The following DNAH12 variants were observed in gnomAD, a reference collection of about 807,000 sequenced individuals.
The protein encoded by DNAH12 is dynein axonemal heavy chain 12.
Under a neutral mutation model 371.5 loss-of-function variants are expected in DNAH12, and 285 were observed. That is an observed-to-expected ratio of 0.77 (90% CI 0.70 to 0.85). The LOEUF (loss-of-function observed/expected upper bound fraction) is 0.85. DNAH12 is among the 40% of genes least tolerant of loss of function. The pLI is 0.00. For synonymous variants in DNAH12, 1,200 were observed against 1,213.0 expected, an observed-to-expected ratio of 0.99 and a Z score of 0.22; for missense variants, 3,611 against 3,689.4, an observed-to-expected ratio of 0.98 and a Z score of 0.55.
intron 4 of DNAH12, among the ~76,000 whole-genome samples, chr3:57,517,527 CTA>C (rs2068241297): frequency 6.6e-6 from 1 of 151,304 alleles, no homozygotes; most frequent in Non-Finnish European, 1.5e-5. Flanking sequence ...TATTATATGA[CTA>C]TATAGTGAAA....
chr3:57,389,265 T>A (rs1252270765), intron 45 of DNAH12, among the ~76,000 whole-genome samples: 1 of 152,078 alleles, frequency 6.6e-6, no homozygotes, highest in Non-Finnish European at 1.5e-5. Flanking sequence ...CTTATATTTA[T>A]GTTCTGGGTG....
intron 33 of DNAH12, 36 bp downstream of exon 33, chr3:57,429,650 AGAAAT>A: frequency 6.7e-7 from 1 of 1,488,760 alleles, no homozygotes; most frequent in African/African-American, 1.4e-5. Flanking sequence ...TAAAGAATGA[AGAAAT>A]GAACAAACCA....
intron 55 of DNAH12, among the ~76,000 whole-genome samples, chr3:57,372,432 T>G (rs1458098147): frequency 6.6e-6 from 1 of 152,060 alleles, no homozygotes; most frequent in East Asian, 1.9e-4. Context: ...GGAAAAAAGA[T>G]GAAGGTAAAC....
Position 57,445,294 on chromosome 3 carries a change from A to G in DNAH12, c.4305T>C (p.Leu1435=). Residue 1435 remains leucine (L), a synonymous_variant, in exon 28 of 74, where the codon CTT becomes CTC. Transcript: ENST00000495027. ...LSVKIVMTYR[L]CSEQLSSQFH... is the part of the protein sequence containing the mutation. ...ATTGCGATGAGAGCTGCTCTGAGCA[A>G]AGCCTATAGGTCATTACTATTTTCA... is the stretch of plus-strand genomic sequence containing the variant. 3 of 1,551,664 alleles carry G rather than the reference A, an allele frequency of 1.9e-6. No homozygotes were observed. The highest frequency in any genetic ancestry group is 2.6e-6 in the Non-Finnish European group (3 of 1,146,970).
At chr3:57,326,894 G>T (rs1455766010) in intron 62 of DNAH12, among the ~76,000 whole-genome samples, 2 of 152,082 alleles carry the variant, frequency 1.3e-5, no homozygotes, top group South Asian at 2.1e-4. Flanking sequence ...AACAAAAAAA[G>T]GCAGGGGTTC....
At chr3:57,553,099 C>T in the DNAH12 span, among the ~76,000 whole-genome samples, 4 of 152,112 alleles carry the variant, frequency 2.6e-5, no homozygotes, top group Non-Finnish European at 4.4e-5. Flanking sequence ...TCGCTTGAAC[C>T]CAGGAGGTGG....
At chr3:57,529,156 ATTT>A (rs962745530) in intron 2 of DNAH12, among the ~76,000 whole-genome samples, 4 of 152,120 alleles carry the variant, frequency 2.6e-5, no homozygotes, top group African/African-American at 9.6e-5. Flanking sequence ...TTTGTTGAGG[ATTT>A]TTGTATCAAT....
chr3:57,528,593 G>T (rs62260466), intron 2 of DNAH12, among the ~76,000 whole-genome samples: 9 of 148,072 alleles, frequency 6.1e-5, no homozygotes, highest in Non-Finnish European at 8.9e-5. Context: ...GGTGTGATGG[G>T]GCATGCCTGT....
intron 11 of DNAH12, among the ~76,000 whole-genome samples, chr3:57,500,685 T>G (rs997887330): frequency 7.9e-5 from 12 of 152,198 alleles, no homozygotes; most frequent in African/African-American, 2.7e-4. Flanking sequence ...CATATCTCTA[T>G]TCTAGTACTT....
chr3:57,430,836 G>C (rs115307266), intron 32 of DNAH12, among the ~76,000 whole-genome samples: 1 of 152,070 alleles, frequency 6.6e-6, no homozygotes, highest in East Asian at 1.9e-4. Flanking sequence ...TGTGGATTCC[G>C]TTTCTTAGCT....
At position 57,395,363 on chromosome 3, in the gene DNAH12, T is replaced by C. The variant is rs967721972; in HGVS notation, c.6949-1031A>G. Among the ~76,000 whole-genome samples, 314 of 152,270 alleles carry C rather than the reference T, an allele frequency of 2.1e-3. 1 individual carries two copies. Among genetic ancestry groups the C allele is most frequent in the Middle Eastern group, 0.02 (6 of 294 alleles). ...AACTGGCTGTAGTTCACAGTGAAAA[T>C]AGCATTACAACTTCTCTAAGTTATT... is the stretch of plus-strand genomic sequence containing the variant. On this transcript the variant is annotated intron_variant, in intron 43 of 73. Coordinates refer to ENST00000495027, the MANE Select transcript of DNAH12 (RefSeq NM_001366028.2).
At chr3:57,442,259 A>C (rs1270510906) in intron 29 of DNAH12, among the ~76,000 whole-genome samples, 1 of 149,614 alleles carries the variant, frequency 6.7e-6, no homozygotes, top group East Asian at 2.0e-4. Flanking sequence ...GAATAAAAGC[A>C]CTAGAAAGGG....
intron 55 of DNAH12, among the ~76,000 whole-genome samples, chr3:57,369,463 C>G (rs1325626732): frequency 1.3e-4 from 20 of 151,342 alleles, no homozygotes; most frequent in African/African-American, 4.6e-4. Context: ...CTAAAATCCC[C>G]TTTCCCTATG....
chr3:57,356,488 T>TAAATAAATAAAG (rs1363080087), intron 59 of DNAH12, among the ~76,000 whole-genome samples: 20 of 141,568 alleles, frequency 1.4e-4, no homozygotes, highest in African/African-American at 4.4e-4. Context: ...AATAAATAAA[T>TAAATAAATAAAG]AAAATAAAGA....
At chr3:57,395,897 C>T (rs1350363093) in intron 43 of DNAH12, among the ~76,000 whole-genome samples, 1 of 151,768 alleles carries the variant, frequency 6.6e-6, no homozygotes, top group Non-Finnish European at 1.5e-5. Context: ...GTTGAGGCTG[C>T]AGTGAACTAT....
chr3:57,303,982 G>A (rs1341645622), intron 69 of DNAH12, among the ~76,000 whole-genome samples: 1 of 152,058 alleles, frequency 6.6e-6, no homozygotes, highest in Non-Finnish European at 1.5e-5. Flanking sequence ...TGCCTTAACT[G>A]ATGACATTAC....
At position 57,323,173 on chromosome 3, in the gene DNAH12, G is replaced by A. The variant is rs1354037836; in HGVS notation, c.10217C>T (p.Ala3406Val). The A allele has an allele frequency of 2.6e-6, 4 of 1,552,190 alleles. No individual in the cohort carries two copies. The highest frequency in any genetic ancestry group is 3.5e-6 in the Non-Finnish European group (4 of 1,147,146). The change falls in exon 64 of 74, where the codon GCA (alanine) becomes GTA (valine). Residue 3406 changes from alanine (A) to valine (V), a missense_variant. Physicochemically the swap from Ala to Val is moderately conservative, Grantham distance 64. Coordinates refer to ENST00000495027, the MANE Select transcript of DNAH12 (RefSeq NM_001366028.2). ...SLGQGQGPIA[A>V]KMIKAAIEEG... The stretch of plus-strand genomic sequence containing the variant: ...TTCAATTGCTGCTTTAATCATTTTT[G>A]CTGCAATCGGTCCTTGTCCCTGTCC...
At chr3:57,416,390 C>G (rs1323536437) in intron 37 of DNAH12, among the ~76,000 whole-genome samples, 4 of 152,138 alleles carry the variant, frequency 2.6e-5, no homozygotes, top group Non-Finnish European at 4.4e-5. Context: ...CTGGGACCAG[C>G]CTTATAGATA....
chr3:57,515,552 G>T (rs1213770321), intron 4 of DNAH12, among the ~76,000 whole-genome samples: 17 of 152,070 alleles, frequency 1.1e-4, no homozygotes, highest in Non-Finnish European at 7.4e-5. Flanking sequence ...CAAGGCTTCA[G>T]TGAGCCATGA....
Sources: allele counts gnomAD v4.1 joint callset (sites outside exome capture counted in the v4.1 genomes callset), GRCh38; gene constraint gnomAD v4.1.1; transcripts MANE v1.5; gene names NCBI Gene and HGNC (gene_info 2026-07-23, HGNC 2026-07-21).